Variants in SLC35F3 observed in about 807,000 individuals in gnomAD.
SLC35F3 encodes solute carrier family 35 member F3.
Under a neutral mutation model 49.9 loss-of-function variants are expected in SLC35F3, and 25 were observed. The observed-to-expected ratio is 0.50, with a 90% CI of 0.37 to 0.70. SLC35F3 has a LOEUF of 0.70. Among genes scored for constraint, SLC35F3 ranks in the 30% least tolerant of loss-of-function variants. The pLI is 0.00. For synonymous variants in SLC35F3, 275 were observed against 265.4 expected, an observed-to-expected ratio of 1.04 and a Z score of -0.35; for missense variants, 525 against 639.8, an observed-to-expected ratio of 0.82 and a Z score of 1.94.
chr1:234,223,005 AG>A (rs1207865691), intron 2 of SLC35F3, among the ~76,000 whole-genome samples: 1 of 152,208 alleles, frequency 6.6e-6, no homozygotes, highest in Non-Finnish European at 1.5e-5. Flanking sequence ...CCTCAAGTTC[AG>A]ATGCTTTCAG....
At chr1:234,015,551 T>G (rs1368199119) in intron 2 of SLC35F3, among the ~76,000 whole-genome samples, 3 of 152,076 alleles carry the variant, frequency 2.0e-5, no homozygotes, top group African/African-American at 7.2e-5. Context: ...AAGAACACAC[T>G]ATGGGGGAAA....
At chr1:233,979,516 C>T (rs1053307842) in intron 2 of SLC35F3, among the ~76,000 whole-genome samples, 2 of 152,204 alleles carry the variant, frequency 1.3e-5, no homozygotes, top group Non-Finnish European at 2.9e-5. Flanking sequence ...ATTCATCTTG[C>T]AGAGACCTTA....
At chr1:233,950,116 C>T (rs1395065220) in intron 2 of SLC35F3, among the ~76,000 whole-genome samples, 1 of 152,000 alleles carries the variant, frequency 6.6e-6, no homozygotes, top group Non-Finnish European at 1.5e-5. Context: ...AGAACACTCT[C>T]TGGAGGAAAA....
chr1:234,006,461 C>A (rs1026402728), intron 2 of SLC35F3, among the ~76,000 whole-genome samples: 1 of 150,290 alleles, frequency 6.7e-6, no homozygotes, highest in African/African-American at 2.5e-5. Context: ...CTGTGCAGAC[C>A]CCTTTTAACG....
chr1:234,234,805 G>T (rs1377872955), intron 3 of SLC35F3, among the ~76,000 whole-genome samples: 2 of 152,170 alleles, frequency 1.3e-5, no homozygotes, highest in African/African-American at 4.8e-5. Context: ...GTAAATGGGA[G>T]GTGATGATAT....
At chr1:234,175,179 C>T (rs977541206) in intron 2 of SLC35F3, among the ~76,000 whole-genome samples, 28 of 152,202 alleles carry the variant, frequency 1.8e-4, no homozygotes, top group African/African-American at 6.8e-4. Context: ...CCTCTCACTT[C>T]AATGTACTAT....
intron 2 of SLC35F3, among the ~76,000 whole-genome samples, chr1:233,999,307 T>C (rs10797519): frequency 0.12 from 18,974 of 152,136 alleles, 1,860 homozygotes; most frequent in East Asian, 0.42. Context: ...TCTGAGCTCT[T>C]TTAATCCTTC....
chr1:234,220,225 A>G (rs1433307407), intron 2 of SLC35F3, among the ~76,000 whole-genome samples: 1 of 150,596 alleles, frequency 6.6e-6, no homozygotes, highest in Non-Finnish European at 1.5e-5. Flanking sequence ...TTAGAATAGA[A>G]TAAAAACTGC....
At chr1:234,088,051 C>T (rs1664986407) in intron 2 of SLC35F3, among the ~76,000 whole-genome samples, 1 of 152,218 alleles carries the variant, frequency 6.6e-6, no homozygotes, top group Admixed American at 6.5e-5. Flanking sequence ...TCCTCCCTCC[C>T]AGGAGAATGT....
At chr1:233,923,661 C>G (rs1662105575) in intron 2 of SLC35F3, among the ~76,000 whole-genome samples, 1 of 152,136 alleles carries the variant, frequency 6.6e-6, no homozygotes, top group Non-Finnish European at 1.5e-5. Flanking sequence ...CCTGATTGCC[C>G]TGGCCAGAAC....
chr1:233,942,516 G>T (rs1429506639), intron 2 of SLC35F3, among the ~76,000 whole-genome samples: 1 of 152,038 alleles, frequency 6.6e-6, no homozygotes, highest in Non-Finnish European at 1.5e-5. Flanking sequence ...TGACCTCCTG[G>T]GCTCAAATAA....
chr1:234,236,928 TATATATATATATATA>T (rs1667482016), intron 3 of SLC35F3, among the ~76,000 whole-genome samples: 1 of 18,340 alleles, frequency 5.5e-5, no homozygotes, highest in Non-Finnish European at 1.0e-4. Flanking sequence ...AAAAAAATTA[TATATATATATATATA>T]TATATATATA....
chr1:233,907,870 C>T (rs781211377), intron 2 of SLC35F3, among the ~76,000 whole-genome samples: 21 of 152,242 alleles, frequency 1.4e-4, no homozygotes, highest in South Asian at 1.2e-3. Context: ...GGATTACAGG[C>T]GTGCGCCACC....
chr1:234,106,862 A>C lies in SLC35F3; in HGVS notation c.284-124555A>C, dbSNP rs578114566. Among the ~76,000 whole-genome samples, 43 of 152,316 alleles carry C rather than the reference A, an allele frequency of 2.8e-4. No individual in the cohort carries two copies. The East Asian group carries it at 7.1e-3, about 25-fold the overall frequency. ...GACACAGAGGACGGCCAAGTGGCAG[A>C]ATGAAGAACATTGGTCTTTGATAAC... On this transcript the variant is annotated intron_variant, in intron 2 of 7. Transcript: ENST00000366618.
At chr1:234,289,895 C>T (rs777023714) in intron 3 of SLC35F3, among the ~76,000 whole-genome samples, 8 of 152,120 alleles carry the variant, frequency 5.3e-5, no homozygotes, top group Non-Finnish European at 8.8e-5. Flanking sequence ...CAAACAACAA[C>T]AAATGGTGGA....
chr1:233,989,085 A>G (rs1257989302), intron 2 of SLC35F3, among the ~76,000 whole-genome samples: 10 of 152,228 alleles, frequency 6.6e-5, no homozygotes, highest in Admixed American at 6.5e-4. Flanking sequence ...ATTTGTCAAG[A>G]TGGTCACAGA....
chr1:234,062,610 T>C (rs1226808467), intron 2 of SLC35F3, among the ~76,000 whole-genome samples: 2 of 152,176 alleles, frequency 1.3e-5, no homozygotes, highest in Non-Finnish European at 2.9e-5. Flanking sequence ...CTGTTGCAAA[T>C]GAAGTCAATT....
intron 7 of SLC35F3, among the ~76,000 whole-genome samples, chr1:234,321,953 G>A (rs1043059694): frequency 2.0e-5 from 3 of 152,074 alleles, no homozygotes; most frequent in African/African-American, 7.2e-5. Flanking sequence ...GGCCAAGGTG[G>A]GAGGATCGCT....
chr1:234,144,955 G>C (rs1665975313), intron 2 of SLC35F3, among the ~76,000 whole-genome samples: 1 of 152,194 alleles, frequency 6.6e-6, no homozygotes, highest in Non-Finnish European at 1.5e-5. Flanking sequence ...GTGTAGTGCT[G>C]TGTCATTCTC....
Sources: gnomAD v4.1 joint callset for allele counts (sites outside exome capture counted in the v4.1 genomes callset) on GRCh38, gnomAD v4.1.1 for gene constraint, MANE v1.5 for transcripts, NCBI Gene and HGNC (gene_info 2026-07-23, HGNC 2026-07-21) for gene names.